KCNQ1: variants seen among roughly 807,000 people sequenced by gnomAD.
KCNQ1 encodes potassium voltage-gated channel subfamily Q member 1.
KCNQ1 carries 49 observed loss-of-function variants against 72.4 expected under a neutral mutation model. That is an observed-to-expected ratio of 0.68 (90% confidence interval 0.54 to 0.86). KCNQ1 has a LOEUF of 0.86. Among genes scored for constraint, KCNQ1 ranks in the 40% least tolerant of loss-of-function variants. The pLI is 0.00. For synonymous variants in KCNQ1, 450 were observed against 412.6 expected, an observed-to-expected ratio of 1.09 and a Z score of -1.10; for missense variants, 790 against 945.1, an observed-to-expected ratio of 0.84 and a Z score of 2.15.
chr11:2,847,117 G>A (rs867614397), intron 15 of KCNQ1, among the ~76,000 whole-genome samples: 51 of 148,876 alleles, frequency 3.4e-4, no homozygotes, highest in African/African-American at 1.1e-3. Context: ...CCACCCCCTT[G>A]CAGAAAGCAT....
chr11:2,842,618 G>C (rs1003618029), intron 15 of KCNQ1, among the ~76,000 whole-genome samples: 3 of 152,084 alleles, frequency 2.0e-5, no homozygotes, highest in African/African-American at 7.2e-5. Context: ...CTGCCTTCTT[G>C]CACGCACAGT....
In KCNQ1 at chr11:2,483,962, G is replaced by A. The variant is rs950146813; in HGVS notation, c.386+38478G>A. On this transcript the variant is annotated intron_variant, in intron 1 of 15. Coordinates refer to ENST00000155840, the MANE Select transcript of KCNQ1 (RefSeq NM_000218.3). The surrounding 1 kb of genome is among the most constrained non-coding windows in gnomAD (Gnocchi z 6.1). Reference sequence around the variant, plus strand: ...CATCAGCTGGTTTTGCTTGTGACAGGCAAAGTCTGTGGTGCTTGCCAAATG... The same window carrying A: ...CATCAGCTGGTTTTGCTTGTGACAGACAAAGTCTGTGGTGCTTGCCAAATG... 6.6e-6 allele frequency among the ~76,000 whole-genome samples: 1 copy of A among 152,120 alleles called. No homozygotes were observed. Among genetic ancestry groups the A allele is most frequent in the Non-Finnish European group, 1.5e-5 (1 of 68,038 alleles).
intron 11 of KCNQ1, chr11:2,688,041 C>G (rs1228098435): frequency 2.5e-6 from 1 of 398,670 alleles, no homozygotes; most frequent in Non-Finnish European, 4.4e-6. Context: ...GGCACACACT[C>G]CACTCAGCTG....
chr11:2,606,250 G>A (rs1589977805), intron 10 of KCNQ1, among the ~76,000 whole-genome samples: 1 of 151,990 alleles, frequency 6.6e-6, no homozygotes, highest in Non-Finnish European at 1.5e-5. Context: ...GAACTCATTC[G>A]TTGTAATTGT....
At chr11:2,615,101 G>A (rs964245380) in intron 10 of KCNQ1, 6 of 398,118 alleles carry the variant, frequency 1.5e-5, no homozygotes, top group Non-Finnish European at 2.2e-5. Context: ...TAGTGCAGAA[G>A]TCTTTCACCT....
chr11:2,512,476 G>A (rs946986497), intron 1 of KCNQ1, among the ~76,000 whole-genome samples: 5 of 152,116 alleles, frequency 3.3e-5, no homozygotes, highest in Non-Finnish European at 5.9e-5. Flanking sequence ...TGGGACACAC[G>A]GCCACCTGGG....
intron 10 of KCNQ1, chr11:2,656,025 T>C: frequency 2.5e-6 from 1 of 398,660 alleles, no homozygotes; most frequent in Middle Eastern, 6.3e-4. Context: ...GGACAGAACC[T>C]TCCTCAGGGG....
At chr11:2,689,669 C>CA in intron 11 of KCNQ1, 1 of 398,678 alleles carries the variant, frequency 2.5e-6, no homozygotes, top group Non-Finnish European at 4.4e-6. Context: ...CTGAGAGGGC[C>CA]AGGGCAGAGT....
At chr11:2,646,642 C>A in intron 10 of KCNQ1, 1 of 398,724 alleles carries the variant, frequency 2.5e-6, no homozygotes, top group South Asian at 1.3e-4. Context: ...CCTCCCATCT[C>A]AGCCTCCTGA....
intron 11 of KCNQ1, among the ~76,000 whole-genome samples, chr11:2,729,413 C>T (rs1845815173): frequency 6.6e-6 from 1 of 152,226 alleles, no homozygotes; most frequent in Admixed American, 6.5e-5. Context: ...GCATTTACTC[C>T]ACAAATACTG....
In KCNQ1 at chr11:2,549,667, G is replaced by A. The variant is rs1446482454; in HGVS notation, c.478-20961G>A. Among the ~76,000 whole-genome samples the A allele has an allele frequency of 6.6e-6, 1 of 152,128 alleles. No individual in the cohort carries two copies. Among genetic ancestry groups the A allele is most frequent in the African/African-American group, 2.4e-5 (1 of 41,426 alleles). Reference sequence around the variant, plus strand: ...GGCCTCCTCCTCCCAAGCACCTGGGGTGGGAACAAGAGGCGTTTTGTGTTC... The same window carrying A: ...GGCCTCCTCCTCCCAAGCACCTGGGATGGGAACAAGAGGCGTTTTGTGTTC... On this transcript the variant is annotated intron_variant, in intron 2 of 15. Coordinates refer to ENST00000155840, the MANE Select transcript of KCNQ1 (RefSeq NM_000218.3). The surrounding 1 kb of genome is among the most constrained non-coding windows in gnomAD (Gnocchi z 6.2).
Position 2,752,513 on chromosome 11 carries a change from G to T in KCNQ1, c.1515-16331G>T, listed in dbSNP as rs1398508338. On this transcript the variant is annotated intron_variant, in intron 11 of 15. Transcript: ENST00000155840. The surrounding 1 kb of genome is among the most constrained non-coding windows in gnomAD (Gnocchi z 5.2). ...TTAGGAATTCATTGTTCTGGAGACT[G>T]GGAAGCACAGGGTCAGGGCGCCAGC... is the stretch of plus-strand genomic sequence containing the variant. 6.6e-6 allele frequency among the ~76,000 whole-genome samples: 1 copy of T among 152,160 alleles called. No homozygotes were observed. Among genetic ancestry groups the T allele is most frequent in the Non-Finnish European group, 1.5e-5 (1 of 68,036 alleles).
At chr11:2,770,284 C>T (rs1846570573) in intron 12 of KCNQ1, among the ~76,000 whole-genome samples, 1 of 152,190 alleles carries the variant, frequency 6.6e-6, no homozygotes, top group Admixed American at 6.5e-5. Context: ...CTGGCACAGG[C>T]AGCCCTGGGC....
chr11:2,517,315 C>T (rs561593931), intron 1 of KCNQ1, among the ~76,000 whole-genome samples: 2 of 152,154 alleles, frequency 1.3e-5, no homozygotes, highest in East Asian at 1.9e-4. Flanking sequence ...GGGTGAGATG[C>T]ACCTGATGGA....
rs1460493184 is a variant in KCNQ1 at position 2,563,530 on chromosome 11, C to T, written c.478-7098C>T. Among the ~76,000 whole-genome samples the T allele has an allele frequency of 6.6e-6, 1 of 152,216 alleles. No individual in the cohort carries two copies. The highest frequency in any genetic ancestry group is 1.5e-5 in the Non-Finnish European group (1 of 68,040). ...CTACCTTGAGCTTCCATTTTCCTTC[C>T]GCACCATGCACTGATTTCCCCTGGG... On this transcript the variant is annotated intron_variant, in intron 2 of 15. Coordinates refer to ENST00000155840, the MANE Select transcript of KCNQ1 (RefSeq NM_000218.3). The surrounding 1 kb of genome is among the most constrained non-coding windows in gnomAD (Gnocchi z 7.4).
At chr11:2,796,481 G>A (rs867858970) in intron 15 of KCNQ1, among the ~76,000 whole-genome samples, 9 of 152,298 alleles carry the variant, frequency 5.9e-5, no homozygotes, top group African/African-American at 1.4e-4. Flanking sequence ...GAGACCAGGC[G>A]AGGCCTCCCA....
chr11:2,830,778 T>A lies in KCNQ1; in HGVS notation c.1795-16989T>A, dbSNP rs1564909138. On this transcript the variant is annotated intron_variant, in intron 15 of 15. Coordinates refer to ENST00000155840, the MANE Select transcript of KCNQ1 (RefSeq NM_000218.3). This position sits in a 1 kb window ranked among gnomAD's most constrained non-coding sequence, Gnocchi z 7.7. ...CCCACGTGTGTGCCCTCCAGCACCC[T>A]GGCCACAGAGCCACACACCTGGGCC... Among the ~76,000 whole-genome samples, 1 of 152,162 alleles carries A rather than the reference T, an allele frequency of 6.6e-6. No homozygotes were observed. The highest frequency in any genetic ancestry group is 1.5e-5 in the Non-Finnish European group (1 of 68,008).
chr11:2,718,208 C>G (rs1031973791), intron 11 of KCNQ1, among the ~76,000 whole-genome samples: 1 of 152,216 alleles, frequency 6.6e-6, no homozygotes, highest in African/African-American at 2.4e-5. Flanking sequence ...CCTTCCTCTG[C>G]TCCGTCCTTC....
At chr11:2,584,266 C>T (rs546127363) in intron 7 of KCNQ1, among the ~76,000 whole-genome samples, 856 of 1,740 alleles carry the variant, frequency 0.49, 37 homozygotes, top group Admixed American at 0.52. Flanking sequence ...TCCTATACAT[C>T]TATGTGCGTA....
Sources: gnomAD v4.1 joint callset for allele counts (sites outside exome capture counted in the v4.1 genomes callset) on GRCh38, gnomAD v4.1.1 for gene constraint, Gnocchi (gnomAD v3.1) non-coding constraint, MANE v1.5 for transcripts, NCBI Gene and HGNC (gene_info 2026-07-23, HGNC 2026-07-21) for gene names.